The following CNTNAP5 variants were observed in gnomAD, a reference collection of about 807,000 sequenced individuals.
CNTNAP5 encodes contactin-associated protein-like 5.
CNTNAP5 carries 72 observed loss-of-function variants against 150.2 expected under a neutral mutation model. The observed-to-expected ratio is 0.48, with a 90% CI of 0.40 to 0.58. The LOEUF is 0.58. Ranked by LOEUF, CNTNAP5 falls within the 20% of genes least tolerant of loss-of-function variation. The probability of loss-of-function intolerance (pLI) is 0.00; values close to 1 mark genes in which losing one functional copy is unlikely to be tolerated. For missense variants in CNTNAP5, 1,636 were observed against 1,626.2 expected (o/e 1.01, Z -0.10); for synonymous variants, 672 against 619.8 (o/e 1.08, Z -1.25).
At chr2:124,343,666 A>T (rs1558859652) in intron 3 of CNTNAP5, among the ~76,000 whole-genome samples, 1 of 152,192 alleles carries the variant, frequency 6.6e-6, no homozygotes, top group African/African-American at 2.4e-5. Context: ...CAGTTTTCCT[A>T]AGTAATCAAA....
At chr2:124,429,682 A>G (rs2104789976) in intron 4 of CNTNAP5, among the ~76,000 whole-genome samples, 1 of 152,288 alleles carries the variant, frequency 6.6e-6, no homozygotes, top group South Asian at 2.1e-4. Context: ...CCACCAGGCT[A>G]GTTCTGTGCT....
intron 7 of CNTNAP5, among the ~76,000 whole-genome samples, chr2:124,484,248 C>T (rs1170135313): frequency 6.6e-6 from 1 of 152,206 alleles, no homozygotes; most frequent in Non-Finnish European, 1.5e-5. Context: ...TGGGAAACAA[C>T]AAACTTTATT....
rs753080754 is a variant in CNTNAP5, at chr2:124,221,695, A to G, written c.83-10A>G. 5 of 1,569,588 alleles carry G rather than the reference A, an allele frequency of 3.2e-6. No individual in the cohort carries two copies. Among genetic ancestry groups the G allele is most frequent in the Non-Finnish European group, 3.5e-6 (4 of 1,142,326 alleles). On this transcript the variant is annotated splice_polypyrimidine_tract_variant and intron_variant, in intron 1 of 23. Transcript: ENST00000682447. ...CTGGTCTCTCTCCCTCTGTCCTCCT[A>G]TCATTATAGACAACTGTGATGATCC...
chr2:124,196,543 A>G (rs1685591742), intron 1 of CNTNAP5, among the ~76,000 whole-genome samples: 1 of 152,164 alleles, frequency 6.6e-6, no homozygotes, highest in Non-Finnish European at 1.5e-5. Flanking sequence ...TCATTATCCC[A>G]TACTCCTTAA....
rs1157051398 is a variant in CNTNAP5 at position 124,897,001 on chromosome 2, T to C, written c.3437-5881T>C. Among the ~76,000 whole-genome samples the C allele has an allele frequency of 4.0e-5, 6 of 151,786 alleles. No individual in the cohort carries two copies. In the East Asian group the frequency reaches 1.2e-3, roughly 29 times the overall value. On this transcript the variant is annotated intron_variant, in intron 21 of 23. Transcript: ENST00000682447. ...GGTTTTGTTTTGTGCCTGAAACATG[T>C]AACCATCTTCTATTCATCATTTAAG... is the stretch of plus-strand genomic sequence containing the variant.
At chr2:124,355,017 T>C (rs1209502771) in intron 3 of CNTNAP5, among the ~76,000 whole-genome samples, 1 of 151,654 alleles carries the variant, frequency 6.6e-6, no homozygotes, top group African/African-American at 2.4e-5. Context: ...GTCCATGGTC[T>C]CCATGTCCCA....
chr2:124,538,683 A>G (rs1351679112), intron 10 of CNTNAP5, among the ~76,000 whole-genome samples: 1 of 152,050 alleles, frequency 6.6e-6, no homozygotes, highest in Admixed American at 6.6e-5. Context: ...AGGAAGGAAG[A>G]AAGGAAGAAA....
At position 124,296,395 on chromosome 2, in the gene CNTNAP5, C is replaced by T. The variant is rs1444100591; in HGVS notation, c.381+54002C>T. 2.6e-5 allele frequency among the ~76,000 whole-genome samples: 4 copies of T among 152,326 alleles called. No homozygotes were observed. In the East Asian group the frequency reaches 7.7e-4, roughly 29 times the overall value. On this transcript the variant is annotated intron_variant, in intron 3 of 23. Transcript: ENST00000682447. ...CTGCCCGCAAATGGCCCACAGCACA[C>T]ACCCTTACAGAGTACTGGGCAGATC... is the stretch of plus-strand genomic sequence containing the variant.
intron 22 of CNTNAP5, among the ~76,000 whole-genome samples, chr2:124,908,637 A>C (rs1678590073): frequency 6.6e-6 from 1 of 152,108 alleles, no homozygotes; most frequent in African/African-American, 2.4e-5. Context: ...CTCCTCAATA[A>C]AAGCCTCAGG....
At chr2:124,352,387 C>T (rs900564330) in intron 3 of CNTNAP5, among the ~76,000 whole-genome samples, 11 of 152,272 alleles carry the variant, frequency 7.2e-5, no homozygotes, top group African/African-American at 2.6e-4. Flanking sequence ...ACACATAGAA[C>T]AGAGCCTCAA....
intron 19 of CNTNAP5, among the ~76,000 whole-genome samples, chr2:124,857,808 C>G (rs981047887): frequency 6.6e-6 from 1 of 151,662 alleles, no homozygotes; most frequent in Non-Finnish European, 1.5e-5. Flanking sequence ...GCCTGGGCAA[C>G]AAGAGTGACA....
chr2:124,067,457 T>A (rs1371747183), intron 1 of CNTNAP5, among the ~76,000 whole-genome samples: 2 of 152,168 alleles, frequency 1.3e-5, no homozygotes, highest in Non-Finnish European at 2.9e-5. Context: ...TCCTCTTCTG[T>A]TTAAAATCTC....
rs189278090 is a variant in CNTNAP5 at position 124,484,831 on chromosome 2, G to A, written c.1062+9949G>A. 1.9e-3 allele frequency among the ~76,000 whole-genome samples: 294 copies of A among 152,290 alleles called. 1 individual carries two copies. The highest frequency in any genetic ancestry group is 2.0e-3 in the Non-Finnish European group (133 of 68,022). On this transcript the variant is annotated intron_variant, in intron 7 of 23. Transcript: ENST00000682447. The stretch of plus-strand genomic sequence containing the variant: ...CACATAACATTTTTGAGGCTTCATT[G>A]ATGCCTGTGAAGCTCATCCACAGAC...
intron 4 of CNTNAP5, among the ~76,000 whole-genome samples, chr2:124,423,696 G>T (rs1243885791): frequency 1.1e-5 from 1 of 94,484 alleles, no homozygotes. Context: ...ACGGAGTCTC[G>T]CTCTGTCGCC....
At chr2:124,698,454 T>C (rs1192989142) in intron 13 of CNTNAP5, among the ~76,000 whole-genome samples, 2 of 151,930 alleles carry the variant, frequency 1.3e-5, no homozygotes, top group African/African-American at 4.8e-5. Context: ...CATAAATTGA[T>C]TGGTAGCAGG....
At chr2:124,149,724 TC>T (rs1465572519) in intron 1 of CNTNAP5, among the ~76,000 whole-genome samples, 3 of 152,186 alleles carry the variant, frequency 2.0e-5, no homozygotes, top group African/African-American at 7.2e-5. Context: ...TGCTGCTTCT[TC>T]CTCTCCTATG....
chr2:124,040,641 G>A (rs1401030897), intron 1 of CNTNAP5, among the ~76,000 whole-genome samples: 2 of 151,646 alleles, frequency 1.3e-5, no homozygotes, highest in Non-Finnish European at 2.9e-5. Context: ...GTGTGTGTGT[G>A]TGTGTGTGTG....
intron 2 of CNTNAP5, among the ~76,000 whole-genome samples, chr2:124,229,116 T>C (rs1686546934): frequency 6.6e-6 from 1 of 151,158 alleles, no homozygotes; most frequent in African/African-American, 2.5e-5. Context: ...AGGAAGAAAG[T>C]GTGCGTAACT....
chr2:124,790,158 T>C lies in CNTNAP5; in HGVS notation c.2992+17T>C. ...GCAAAAAAGGTACCTTAGGCGCTCC[T>C]GTTTCTCCTGAGTGCAGTGCTGTAT... On this transcript the variant is annotated intron_variant, in intron 18 of 23. Transcript: ENST00000682447. The C allele has an allele frequency of 6.3e-7, 1 of 1,596,034 alleles. No homozygotes were observed. Among genetic ancestry groups the C allele is most frequent in the Non-Finnish European group, 8.5e-7 (1 of 1,170,742 alleles).
Sources: allele counts gnomAD v4.1 joint callset (sites outside exome capture counted in the v4.1 genomes callset), GRCh38; gene constraint gnomAD v4.1.1; transcripts MANE v1.5; gene names NCBI Gene and HGNC (gene_info 2026-07-23, HGNC 2026-07-21).